The following FYN variants were observed in gnomAD, a reference collection of about 807,000 sequenced individuals.
The protein encoded by FYN is tyrosine-protein kinase Fyn.
In FYN, 10 loss-of-function variants were observed where a neutral mutation model predicts 70.2. That is an observed-to-expected ratio of 0.14 (90% CI 0.09 to 0.24). FYN has a LOEUF of 0.24. Ranked by LOEUF, FYN falls within the 10% of genes least tolerant of loss-of-function variation. The pLI is 1.00. For missense variants in FYN, 319 were observed against 673.1 expected (o/e 0.47, Z 5.82); for synonymous variants, 236 against 248.6 (o/e 0.95, Z 0.48).
chr6:111,788,627 A>G (rs1053540251), intron 2 of FYN, among the ~76,000 whole-genome samples: 1 of 152,206 alleles, frequency 6.6e-6, no homozygotes, highest in Non-Finnish European at 1.5e-5. Context: ...GTGCACAAAA[A>G]TAACTGTCAA....
chr6:111,665,898 C>G (rs565191346), intron 13 of FYN, among the ~76,000 whole-genome samples: 313 of 151,988 alleles, frequency 2.1e-3, no homozygotes, highest in Admixed American at 2.8e-3. Flanking sequence ...GCTGGGATTA[C>G]AGGTGTGAGC....
intron 13 of FYN, among the ~76,000 whole-genome samples, chr6:111,664,018 T>G (rs1797887478): frequency 6.6e-6 from 1 of 152,204 alleles, no homozygotes; most frequent in South Asian, 2.1e-4. Context: ...TGATCTGAAC[T>G]GACCTCATCT....
intron 10 of FYN, 27 bp downstream of exon 10, chr6:111,696,250 C>T: frequency 1.3e-6 from 2 of 1,578,728 alleles, no homozygotes; most frequent in African/African-American, 1.4e-5. Flanking sequence ...GCACTGTGAG[C>T]TGGAGACAGG....
intron 3 of FYN, among the ~76,000 whole-genome samples, chr6:111,776,936 C>G (rs1025950707): frequency 6.6e-6 from 1 of 152,188 alleles, no homozygotes; most frequent in African/African-American, 2.4e-5. Context: ...CCAAAATACT[C>G]AATCTCAATC....
intron 13 of FYN, among the ~76,000 whole-genome samples, chr6:111,666,809 G>A (rs1425274290): frequency 3.3e-5 from 5 of 152,134 alleles, no homozygotes; most frequent in Non-Finnish European, 7.4e-5. Context: ...CTCCAGCCTG[G>A]GTGACAGAGC....
At chr6:111,767,256 TAAG>T (rs1803259930) in intron 3 of FYN, among the ~76,000 whole-genome samples, 1 of 152,112 alleles carries the variant, frequency 6.6e-6, no homozygotes, top group African/African-American at 2.4e-5. Flanking sequence ...AAAAATCAGG[TAAG>T]AAAGAGTTAA....
intron 4 of FYN, among the ~76,000 whole-genome samples, chr6:111,715,209 TG>T (rs891166666): frequency 6.6e-6 from 1 of 152,096 alleles, no homozygotes; most frequent in African/African-American, 2.4e-5. Context: ...CAGTGTCATT[TG>T]GCCTAGGATT....
chr6:111,839,252 C>T (rs1022392353), intron 2 of FYN, among the ~76,000 whole-genome samples: 1 of 152,160 alleles, frequency 6.6e-6, no homozygotes, highest in Non-Finnish European at 1.5e-5. Flanking sequence ...TTCCCATGAG[C>T]ATGCCCCAGC....
Position 111,708,586 on chromosome 6 carries a change from G to A in FYN, c.345-566C>T, listed in dbSNP as rs190171338. Among the ~76,000 whole-genome samples the A allele has an allele frequency of 6.7e-3, 1,023 of 152,226 alleles. 6 individuals are homozygous for A. The highest frequency in any genetic ancestry group is 0.025 in the Admixed American group (378 of 15,300). ...GCCTGGCTTGCTCTCAAAAAGATGG[G>A]GAGACACCTCTCTGCAGGTAGAATG... On this transcript the variant is annotated intron_variant, in intron 5 of 13. Coordinates refer to ENST00000354650, the MANE Select transcript of FYN (RefSeq NM_002037.5).
intron 12 of FYN, 32 bp from the exon 13 acceptor site, chr6:111,674,662 C>T (rs575332330): frequency 5.0e-6 from 8 of 1,606,718 alleles, no homozygotes; most frequent in Non-Finnish European, 6.8e-6. Context: ...ATTCATCAGG[C>T]AGAGGGCACT....
intron 2 of FYN, among the ~76,000 whole-genome samples, chr6:111,818,975 G>A (rs539124312): frequency 1.1e-4 from 16 of 152,244 alleles, no homozygotes; most frequent in African/African-American, 2.9e-4. Context: ...TCACCAAGCT[G>A]CAAAACGTGT....
chr6:111,780,003 G>A (rs1583437066), intron 3 of FYN, among the ~76,000 whole-genome samples: 1 of 151,866 alleles, frequency 6.6e-6, no homozygotes, highest in South Asian at 2.1e-4. Context: ...ATTTTAACCC[G>A]GGTCTCCTGA....
At chr6:111,677,028 C>A (rs1798556523) in intron 12 of FYN, among the ~76,000 whole-genome samples, 1 of 152,152 alleles carries the variant, frequency 6.6e-6, no homozygotes, top group Non-Finnish European at 1.5e-5. Context: ...ACAAAGGCTG[C>A]ATTAATGTAA....
chr6:111,712,500 C>T (rs981316626), intron 5 of FYN, among the ~76,000 whole-genome samples: 1 of 151,508 alleles, frequency 6.6e-6, no homozygotes, highest in Non-Finnish European at 1.5e-5. Context: ...GGGCCTTTCC[C>T]AGATCAAACC....
intron 4 of FYN, among the ~76,000 whole-genome samples, chr6:111,716,783 ATT>A (rs541355121): frequency 0.11 from 14,877 of 141,048 alleles, 1,274 homozygotes; most frequent in African/African-American, 0.24. Context: ...AAGAGAGTTA[ATT>A]TTTTTTTTTT....
At chr6:111,844,693 T>G (rs917739667) in intron 2 of FYN, 3 of 152,180 alleles carry the variant, frequency 2.0e-5, no homozygotes, top group African/African-American at 7.2e-5. Context: ...CTTACAGACA[T>G]CCACACCACG....
chr6:111,835,627 T>G (rs370463741), intron 2 of FYN, among the ~76,000 whole-genome samples: 21 of 152,122 alleles, frequency 1.4e-4, no homozygotes, highest in African/African-American at 4.3e-4. Context: ...GGCTAAACAT[T>G]TGATTTTTTT....
chr6:111,821,799 C>T (rs1250203886), intron 2 of FYN, among the ~76,000 whole-genome samples: 2 of 151,736 alleles, frequency 1.3e-5, no homozygotes, highest in South Asian at 2.1e-4. Context: ...AAAAAAAAAC[C>T]CCATCAACAA....
intron 4 of FYN, 161 bp from the exon 5 acceptor site, chr6:111,714,604 G>A (rs1441968320): frequency 3.2e-6 from 2 of 626,430 alleles, no homozygotes; most frequent in East Asian, 5.5e-5. Flanking sequence ...CACAGTCACA[G>A]GGCTGTGTTT....
Sources: gnomAD v4.1 joint callset for allele counts (sites outside exome capture counted in the v4.1 genomes callset) on GRCh38, gnomAD v4.1.1 for gene constraint, MANE v1.5 for transcripts, NCBI Gene and HGNC (gene_info 2026-07-23, HGNC 2026-07-21) for gene names.